Variants in IL1RAPL1 observed in about 807,000 individuals in gnomAD.
The protein encoded by IL1RAPL1 is interleukin 1 receptor accessory protein like 1, also known as interleukin-1 receptor accessory protein-like 1.
IL1RAPL1 carries 3 observed loss-of-function variants against 48.4 expected under a neutral mutation model. That is an observed-to-expected ratio of 0.06 (90% confidence interval 0.03 to 0.16). IL1RAPL1 has a LOEUF of 0.16. IL1RAPL1 is among the 10% of genes least tolerant of loss of function. The pLI is 1.00. For synonymous variants in IL1RAPL1, 185 were observed against 187.7 expected (o/e 0.99, Z 0.12); for missense variants, 349 against 530.6 (o/e 0.66, Z 3.36).
intron 6 of IL1RAPL1, among the ~76,000 whole-genome samples, chrX:29,877,370 A>G (rs747252760): frequency 5.8e-4 from 65 of 111,926 alleles, no homozygotes; most frequent in African/African-American, 2.0e-3. Context: ...TCACTGAGGC[A>G]TCAGCATCCC....
intron 6 of IL1RAPL1, among the ~76,000 whole-genome samples, chrX:29,799,246 G>A (rs756725918): frequency 8.9e-6 from 1 of 112,206 alleles, no homozygotes; most frequent in Non-Finnish European, 1.9e-5. Flanking sequence ...AAAAGCAGCT[G>A]TTTCGTTATA....
intron 2 of IL1RAPL1, among the ~76,000 whole-genome samples, chrX:28,923,651 A>T (rs1343456552): frequency 9.0e-6 from 1 of 111,338 alleles, no homozygotes; most frequent in African/African-American, 3.3e-5. Context: ...GGTATGTAAT[A>T]AAGCACATAT....
chrX:29,889,484 GA>G (rs1169280524), intron 6 of IL1RAPL1, among the ~76,000 whole-genome samples: 2 of 111,303 alleles, frequency 1.8e-5, no homozygotes, highest in African/African-American at 6.5e-5. Flanking sequence ...TAATAAGTAT[GA>G]AAAGAAGTGT....
intron 6 of IL1RAPL1, among the ~76,000 whole-genome samples, chrX:29,860,748 C>T (rs1931567316): frequency 8.9e-6 from 1 of 112,125 alleles, no homozygotes; most frequent in Non-Finnish European, 1.9e-5. Context: ...TTTTCTTTAT[C>T]CAGTCTATCA....
intron 1 of IL1RAPL1, among the ~76,000 whole-genome samples, chrX:28,720,049 AT>A (rs1385711343): frequency 9.0e-6 from 1 of 111,596 alleles, no homozygotes; most frequent in Non-Finnish European, 1.9e-5. Context: ...ACCGTTGCAT[AT>A]CCCCAAGTAA....
chrX:29,483,218 T>C (rs1038261923), intron 5 of IL1RAPL1, among the ~76,000 whole-genome samples: 1 of 112,207 alleles, frequency 8.9e-6, no homozygotes, highest in African/African-American at 3.2e-5. Context: ...GAAGCCCATA[T>C]GTTTAGAGTC....
intron 6 of IL1RAPL1, among the ~76,000 whole-genome samples, chrX:29,766,362 TA>T (rs1928896050): frequency 1.4e-5 from 1 of 69,908 alleles, no homozygotes; most frequent in East Asian, 3.7e-4. Flanking sequence ...TATATATATA[TA>T]GATAGATAGA....
At chrX:28,646,135 C>T (rs1038942205) in intron 1 of IL1RAPL1, among the ~76,000 whole-genome samples, 1 of 112,036 alleles carries the variant, frequency 8.9e-6, no homozygotes, top group African/African-American at 3.2e-5. Context: ...TGGACGGGGT[C>T]TGGGGGGTGA....
intron 2 of IL1RAPL1, among the ~76,000 whole-genome samples, chrX:28,910,586 A>G (rs903230244): frequency 1.8e-5 from 2 of 109,568 alleles, no homozygotes; most frequent in East Asian, 5.8e-4. Context: ...AAAAGTTAAA[A>G]AAAAAAAACG....
intron 6 of IL1RAPL1, among the ~76,000 whole-genome samples, chrX:29,798,697 T>C (rs1293094278): frequency 8.9e-6 from 1 of 112,189 alleles, no homozygotes; most frequent in Non-Finnish European, 1.9e-5. Flanking sequence ...AATGACAATA[T>C]AATGCTCTGC....
chrX:28,712,397 TG>T (rs1190889653), intron 1 of IL1RAPL1, among the ~76,000 whole-genome samples: 3 of 110,557 alleles, frequency 2.7e-5, no homozygotes, highest in Non-Finnish European at 5.7e-5. Flanking sequence ...ATTCCCCGAA[TG>T]ACTAAGAAGA....
intron 6 of IL1RAPL1, among the ~76,000 whole-genome samples, chrX:29,911,477 G>A (rs35754194): frequency 0.061 from 6,814 of 111,697 alleles, 240 homozygotes; most frequent in Admixed American, 0.16. Flanking sequence ...TTGTATCTCA[G>A]TAAAGCTATT....
chrX:29,012,524 A>G (rs764186959), intron 2 of IL1RAPL1, among the ~76,000 whole-genome samples: 1 of 111,877 alleles, frequency 8.9e-6, no homozygotes, highest in Admixed American at 9.5e-5. Flanking sequence ...AGCCTGGGCA[A>G]CAAGAGCGAA....
intron 3 of IL1RAPL1, among the ~76,000 whole-genome samples, chrX:29,335,233 G>A (rs187177909): frequency 2.4e-5 from 2 of 83,973 alleles, no homozygotes; most frequent in African/African-American, 8.9e-5. Context: ...GCTTTGGCTC[G>A]GCATCAGAGG....
intron 2 of IL1RAPL1, among the ~76,000 whole-genome samples, chrX:29,170,039 A>G (rs1233539263): frequency 9.0e-6 from 1 of 111,721 alleles, no homozygotes; most frequent in Non-Finnish European, 1.9e-5. Context: ...GGAATGTACT[A>G]AATTTGTACC....
chrX:29,402,323 C>A (rs778333392), intron 5 of IL1RAPL1, among the ~76,000 whole-genome samples: 1 of 110,989 alleles, frequency 9.0e-6, no homozygotes, highest in East Asian at 2.8e-4. Flanking sequence ...CTTCAAGGCA[C>A]AGCTAAAATG....
In IL1RAPL1 at chrX:29,752,101, T is replaced by TAC. The variant is rs1272961265; in HGVS notation, c.778+83598_778+83599insCA. 3.0e-3 allele frequency among the ~76,000 whole-genome samples: 294 copies of TAC among 99,149 alleles called. 1 individual carries two copies. Among genetic ancestry groups the TAC allele is most frequent in the Non-Finnish European group, 4.9e-3 (247 of 49,923 alleles). The allele number at this position is 99,149 out of a possible 115,157, so 86.1% of individuals were successfully genotyped here. On this transcript the variant is annotated intron_variant, in intron 6 of 10. Coordinates refer to ENST00000378993, the MANE Select transcript of IL1RAPL1 (RefSeq NM_014271.4). ...GTATGTATATATATATATATATATA[T>TAC]ATACACACATATATATATTAGGTCC...
At chrX:29,780,678 T>A (rs1929317589) in intron 6 of IL1RAPL1, among the ~76,000 whole-genome samples, 1 of 111,787 alleles carries the variant, frequency 8.9e-6, no homozygotes, top group Admixed American at 9.5e-5. Context: ...TTATAACGGT[T>A]ATATTATTGT....
chrX:29,299,447 C>A, intron 3 of IL1RAPL1, among the ~76,000 whole-genome samples: 1 of 111,480 alleles, frequency 9.0e-6, no homozygotes. Context: ...AGTATTTTCT[C>A]TCTCCTATTA....
Sources: gnomAD v4.1 joint callset for allele counts (sites outside exome capture counted in the v4.1 genomes callset) on GRCh38, gnomAD v4.1.1 for gene constraint, MANE v1.5 for transcripts, NCBI Gene and HGNC (gene_info 2026-07-23, HGNC 2026-07-21) for gene names.